The following TRNT1 variants were observed in gnomAD, a reference collection of about 807,000 sequenced individuals.
TRNT1 encodes tRNA nucleotidyl transferase 1.
Under a neutral mutation model 45.6 loss-of-function variants are expected in TRNT1, and 44 were observed. That is an observed-to-expected ratio of 0.97 (90% confidence interval 0.76 to 1.24). TRNT1 has a LOEUF of 1.24. Among genes scored for constraint, TRNT1 ranks in the 50% most tolerant of loss-of-function variants. The pLI is 0.00. For synonymous variants in TRNT1, 201 were observed against 171.4 expected, an observed-to-expected ratio of 1.17 and a Z score of -1.35; for missense variants, 633 against 504.4, an observed-to-expected ratio of 1.25 and a Z score of -2.44.
chr3:3,149,888 CA>C (rs1482768408), downstream of TRNT1: 37 of 152,200 alleles, frequency 2.4e-4, no homozygotes, highest in Admixed American at 2.4e-3. Flanking sequence ...AGTTATCATA[CA>C]AATGTGGAAG....
intron 2 of TRNT1, among the ~76,000 whole-genome samples, chr3:3,132,732 AAAAAAAAAAAAACAC>A (rs1175404823): frequency 1.5e-5 from 1 of 68,702 alleles, no homozygotes; most frequent in Admixed American, 1.6e-4. Context: ...CTATTGAAGG[AAAAAAAAAAAAACAC>A]AAAAAAAAAA....
intron 2 of TRNT1, among the ~76,000 whole-genome samples, chr3:3,132,607 C>T (rs1705069885): frequency 9.5e-6 from 1 of 105,072 alleles, no homozygotes; most frequent in Admixed American, 1.0e-4. Context: ...GGGTGCAGCG[C>T]ACCAGCATGG....
chr3:3,139,510 C>T (rs1394659693), intron 3 of TRNT1, among the ~76,000 whole-genome samples: 2 of 152,192 alleles, frequency 1.3e-5, no homozygotes, highest in Non-Finnish European at 2.9e-5. Context: ...AATATGCTAC[C>T]TGTCAGATAT....
downstream of TRNT1, among the ~76,000 whole-genome samples, chr3:3,151,628 C>T (rs1410829117): frequency 6.6e-6 from 1 of 152,182 alleles, no homozygotes; most frequent in Non-Finnish European, 1.5e-5. Flanking sequence ...TACCATGCCA[C>T]ATTTATTTAT....
intron 4 of TRNT1, among the ~76,000 whole-genome samples, chr3:3,142,181 C>G (rs1229116040): frequency 9.9e-5 from 15 of 152,164 alleles, no homozygotes. Context: ...AGAGTCTTGT[C>G]TAACTGGCTT....
chr3:3,136,439 G>A lies in TRNT1; in HGVS notation c.149-821G>A, dbSNP rs1705329108. Among the ~76,000 whole-genome samples the A allele has an allele frequency of 2.6e-5, 4 of 152,108 alleles. No individual in the cohort carries two copies. In the South Asian group the frequency reaches 8.3e-4, roughly 32 times the overall value. ...TCTACCTAGAGCACAGATAGGAGTTGATTTTAGAATTATATACAGACCATT... is the reference window on the plus strand; with the variant it reads ...TCTACCTAGAGCACAGATAGGAGTTAATTTTAGAATTATATACAGACCATT... On this transcript the variant is annotated intron_variant, in intron 2 of 7. Coordinates refer to ENST00000251607, the MANE Select transcript of TRNT1 (RefSeq NM_182916.3).
chr3:3,151,991 C>CGTG (rs1706590763), downstream of TRNT1, among the ~76,000 whole-genome samples: 2 of 152,088 alleles, frequency 1.3e-5, no homozygotes, highest in African/African-American at 2.4e-5. Context: ...TTCAGAATTA[C>CGTG]ATGACTGACA....
At chr3:3,129,804 T>C in intron 2 of TRNT1, 2 of 1,418,080 alleles carry the variant, frequency 1.4e-6, no homozygotes, top group Non-Finnish European at 1.9e-6. Flanking sequence ...TTGTTAGGCA[T>C]GTGAAGTGCT....
chr3:3,147,885 A>ATGTT (rs765355599), intron 7 of TRNT1, 21 bp from the exon 8 acceptor site: 1 of 1,595,776 alleles, frequency 6.3e-7, no homozygotes, highest in Non-Finnish European at 8.5e-7. Flanking sequence ...ACGAAACTAA[A>ATGTT]TGTTTGATTT....
At chr3:3,129,979 A>G (rs1704903413) in intron 2 of TRNT1, 21 of 1,550,338 alleles carry the variant, frequency 1.4e-5, no homozygotes, top group Non-Finnish European at 1.8e-5. Context: ...TCCATTGTGC[A>G]CGTTGCAAAA....
Position 3,148,450 on chromosome 3 carries a change from G to A in TRNT1, c.*296G>A, listed in dbSNP as rs192546200. Reference sequence around the variant, plus strand: ...CAGGCTTTTAAAAAAAACTGTTTTTGCATAGGGTAGTACTAAGATCTTAAA... The same window carrying A: ...CAGGCTTTTAAAAAAAACTGTTTTTACATAGGGTAGTACTAAGATCTTAAA... On this transcript the variant is annotated 3_prime_UTR_variant, in exon 8 of 8. Transcript: ENST00000251607. The A allele has an allele frequency of 3.1e-5, 7 of 224,594 alleles. No individual in the cohort carries two copies. The East Asian group carries it at 6.7e-4, about 21-fold the overall frequency. The allele number at this position is 224,594 out of a possible 1,614,324, so 13.9% of individuals were successfully genotyped here.
intron 4 of TRNT1, among the ~76,000 whole-genome samples, chr3:3,142,840 C>T (rs535022864): frequency 1.5e-4 from 23 of 152,222 alleles, no homozygotes; most frequent in Non-Finnish European, 3.1e-4. Context: ...ATATTTTTGC[C>T]TATTTACATA....
At chr3:3,141,433 G>T (rs754817716) in intron 4 of TRNT1, among the ~76,000 whole-genome samples, 1 of 152,058 alleles carries the variant, frequency 6.6e-6, no homozygotes, top group Admixed American at 6.6e-5. Flanking sequence ...GGCAAACAAT[G>T]GTGAATGACT....
chr3:3,135,037 AAGAG>A (rs201284929), intron 2 of TRNT1, among the ~76,000 whole-genome samples: 1,870 of 152,244 alleles, frequency 0.012, 36 homozygotes, highest in African/African-American at 0.043. Flanking sequence ...AATTAAAAAA[AAGAG>A]AGAATAGAAT....
chr3:3,127,775 C>T (rs1704683138), intron 1 of TRNT1: 1 of 152,166 alleles, frequency 6.6e-6, no homozygotes, highest in Non-Finnish European at 1.5e-5. Flanking sequence ...TCTCATACTG[C>T]CTGAAGCCCT....
Position 3,148,337 on chromosome 3 carries a change from A to G in TRNT1, c.*183A>G. On this transcript the variant is annotated 3_prime_UTR_variant, in exon 8 of 8. Coordinates refer to ENST00000251607, the MANE Select transcript of TRNT1 (RefSeq NM_182916.3). ...ACTAAACAGAGATCCACCTTTCTGG[A>G]TCTGATTTATATCACTGAAATGTAC... The G allele has an allele frequency of 1.7e-6, 1 of 588,028 alleles. No individual in the cohort carries two copies. The highest frequency in any genetic ancestry group is 2.9e-6 in the Non-Finnish European group (1 of 345,486). The allele number at this position is 588,028 out of a possible 1,614,324, so 36.4% of individuals were successfully genotyped here.
In TRNT1 at chr3:3,148,080, T is replaced by C. The variant is rs771010810; in HGVS notation, c.1231T>C (p.Leu411=). ...GKEIGALLQQ[L]REQWKKSGYQ... ...AGAAATTGGGGCTCTATTACAACAGTTGCGAGAACAGTGGAAAAAAAGTGG... is the reference window on the plus strand; with the variant it reads ...AGAAATTGGGGCTCTATTACAACAGCTGCGAGAACAGTGGAAAAAAAGTGG... The change falls in exon 8 of 8, where the codon TTG becomes CTG. Residue 411 remains leucine (L), a synonymous_variant. Coordinates refer to ENST00000251607, the MANE Select transcript of TRNT1 (RefSeq NM_182916.3). 1 of 1,613,904 alleles carries C rather than the reference T, an allele frequency of 6.2e-7. No individual in the cohort carries two copies.
chr3:3,140,458 G>T, intron 3 of TRNT1, 52 bp from the exon 4 acceptor site: 3 of 1,583,010 alleles, frequency 1.9e-6, no homozygotes, highest in Non-Finnish European at 2.6e-6. Context: ...CAATTCAGTA[G>T]TATGAAAACC....
At chr3:3,136,024 C>T (rs1029700021) in intron 2 of TRNT1, among the ~76,000 whole-genome samples, 1 of 152,128 alleles carries the variant, frequency 6.6e-6, no homozygotes, top group African/African-American at 2.4e-5. Context: ...AGAAGTAATT[C>T]TGTGATTGGG....
Sources: gnomAD v4.1 joint callset for allele counts (sites outside exome capture counted in the v4.1 genomes callset) on GRCh38, gnomAD v4.1.1 for gene constraint, MANE v1.5 for transcripts, NCBI Gene and HGNC (gene_info 2026-07-23, HGNC 2026-07-21) for gene names.